The following METAP1 variants were observed in gnomAD, a reference collection of about 807,000 sequenced individuals.
The protein encoded by METAP1 is methionyl aminopeptidase 1, also known as methionine aminopeptidase 1.
A neutral mutation model predicts 53.8 loss-of-function variants in METAP1; 28 were observed. The ratio of observed to expected loss-of-function variants is 0.52; its 90% CI spans 0.39 to 0.71. METAP1 has a LOEUF of 0.71. Ranked by LOEUF, METAP1 falls within the 30% of genes least tolerant of loss-of-function variation. METAP1 has a pLI of 0.00. For missense variants in METAP1, 389 were observed against 479.8 expected, an observed-to-expected ratio of 0.81 and a Z score of 1.77; for synonymous variants, 181 against 165.7, an observed-to-expected ratio of 1.09 and a Z score of -0.71.
chr4:99,022,295 G>T, intron 1 of METAP1: 1 of 665,254 alleles, frequency 1.5e-6, no homozygotes, highest in East Asian at 3.2e-5. Flanking sequence ...GGAGATGGAA[G>T]GGGCCTCCCT....
intron 7 of METAP1, among the ~76,000 whole-genome samples, chr4:99,043,634 A>T (rs1466486227): frequency 6.6e-6 from 1 of 152,088 alleles, no homozygotes; most frequent in Admixed American, 6.5e-5. Context: ...CTCATATGTG[A>T]TTGGTAAATA....
intron 9 of METAP1, among the ~76,000 whole-genome samples, chr4:99,050,296 G>A (rs373566518): frequency 3.0e-4 from 45 of 152,172 alleles, no homozygotes; most frequent in African/African-American, 4.6e-4. Flanking sequence ...CTTGTATGTC[G>A]GAATCTTCAG....
chr4:99,053,366 C>T (rs952752079), intron 9 of METAP1, among the ~76,000 whole-genome samples: 2 of 152,220 alleles, frequency 1.3e-5, no homozygotes, highest in Non-Finnish European at 2.9e-5. Flanking sequence ...TCCCCCACCT[C>T]AGCCTCCTGA....
intron 1 of METAP1, among the ~76,000 whole-genome samples, chr4:99,021,318 G>A (rs959989699): frequency 2.6e-5 from 4 of 152,002 alleles, no homozygotes; most frequent in Non-Finnish European, 5.9e-5. Context: ...GCTCATGCAC[G>A]AGGTCTCCTG....
At chr4:99,001,138 G>T (rs1034123080) in intron 1 of METAP1, among the ~76,000 whole-genome samples, 7 of 152,166 alleles carry the variant, frequency 4.6e-5, no homozygotes, top group Admixed American at 3.9e-4. Context: ...TGCCAGTGCA[G>T]GGTGTTTCTG....
chr4:99,011,037 C>G (rs549612238), intron 1 of METAP1, among the ~76,000 whole-genome samples: 3 of 86,116 alleles, frequency 3.5e-5, no homozygotes, highest in East Asian at 5.8e-4. Context: ...TTTATTAGCT[C>G]TAACAGTTTT....
chr4:99,026,614 T>C, intron 1 of METAP1: 1 of 985,418 alleles, frequency 1.0e-6, no homozygotes, highest in Non-Finnish European at 1.2e-6. Context: ...AGGGAAAGAT[T>C]GCCCTGTTAA....
intron 10 of METAP1, among the ~76,000 whole-genome samples, chr4:99,059,679 C>T (rs1374308267): frequency 6.6e-6 from 1 of 151,824 alleles, no homozygotes; most frequent in Non-Finnish European, 1.5e-5. Flanking sequence ...TCCACCTCTG[C>T]TTCACATTCT....
Position 99,045,800 on chromosome 4 carries a change from GTTAAA to G in METAP1, c.787+495_787+499del, listed in dbSNP as rs568255241. On this transcript the variant is annotated intron_variant, in intron 8 of 10. Coordinates refer to ENST00000296411, the MANE Select transcript of METAP1 (RefSeq NM_015143.3). Reference sequence around the variant, plus strand: ...TTAATGCACACACGTATGTGTATGTGTTAAATTAAGTTAAATGGAATCATAATATT... The same window carrying G: ...TTAATGCACACACGTATGTGTATGTGTTAAGTTAAATGGAATCATAATATT... Among the ~76,000 whole-genome samples the G allele has an allele frequency of 4.3e-4, 65 of 152,266 alleles. No homozygotes were observed. The East Asian group carries it at 8.5e-3, about 20-fold the overall frequency.
At chr4:99,057,307 C>T (rs965029826) in intron 9 of METAP1, among the ~76,000 whole-genome samples, 3 of 152,160 alleles carry the variant, frequency 2.0e-5, no homozygotes, top group Non-Finnish European at 4.4e-5. Flanking sequence ...ATGCTTACCC[C>T]CCAAAGCGGT....
At chr4:99,008,290 T>A (rs1340361441) in intron 1 of METAP1, among the ~76,000 whole-genome samples, 1 of 152,182 alleles carries the variant, frequency 6.6e-6, no homozygotes, top group Non-Finnish European at 1.5e-5. Context: ...GCAAGTAGAT[T>A]AGCAGCTTTA....
At chr4:99,012,816 A>C (rs1037727893) in intron 1 of METAP1, among the ~76,000 whole-genome samples, 3 of 152,176 alleles carry the variant, frequency 2.0e-5, no homozygotes, top group Non-Finnish European at 4.4e-5. Context: ...GACAGAAGTT[A>C]CAGGCAGACA....
In METAP1 at chr4:99,031,810, A is replaced by G. The variant is rs547495472; in HGVS notation, c.167-2420A>G. On this transcript the variant is annotated intron_variant, in intron 2 of 10. Transcript: ENST00000296411. ...CAGCCTGCATACAACTTTTTAAAGA[A>G]TAAAGCCTGACTGTGATGAACTTTG... 30 of 379,342 alleles carry G rather than the reference A, an allele frequency of 7.9e-5. No individual in the cohort carries two copies. In the East Asian group the frequency reaches 1.9e-3, roughly 24 times the overall value. 23.5% of individuals were successfully genotyped at this position (379,342 alleles called of 1,614,324 possible).
chr4:99,050,621 G>C (rs573335876), intron 9 of METAP1, among the ~76,000 whole-genome samples: 2 of 152,326 alleles, frequency 1.3e-5, no homozygotes, highest in Admixed American at 1.3e-4. Flanking sequence ...CATGAGGGGA[G>C]CAGCAAGCAA....
intron 9 of METAP1, among the ~76,000 whole-genome samples, chr4:99,056,774 T>C (rs1727159933): frequency 6.6e-6 from 1 of 152,180 alleles, no homozygotes; most frequent in Non-Finnish European, 1.5e-5. Flanking sequence ...TTTCACCATG[T>C]TGGCCAGGAT....
intron 10 of METAP1, among the ~76,000 whole-genome samples, chr4:99,059,813 A>G (rs1727412926): frequency 6.6e-6 from 1 of 151,188 alleles, no homozygotes; most frequent in South Asian, 2.1e-4. Context: ...TCTGGTTTCA[A>G]CTCCTGTCCA....
chr4:99,057,315 G>A (rs1727226580), intron 9 of METAP1, among the ~76,000 whole-genome samples: 1 of 152,178 alleles, frequency 6.6e-6, no homozygotes, highest in Non-Finnish European at 1.5e-5. Flanking sequence ...CCCCCAAAGC[G>A]GTGGGAAATT....
chr4:99,051,372 A>G (rs900387142), intron 9 of METAP1, among the ~76,000 whole-genome samples: 2 of 152,188 alleles, frequency 1.3e-5, no homozygotes, highest in Non-Finnish European at 2.9e-5. Flanking sequence ...AAAGAGGAAC[A>G]AAGACCCAGG....
intron 1 of METAP1, among the ~76,000 whole-genome samples, chr4:99,000,796 C>T (rs1162391633): frequency 1.3e-5 from 2 of 151,752 alleles, no homozygotes; most frequent in African/African-American, 4.8e-5. Flanking sequence ...CTTCACCTCC[C>T]AGGCTCAAGT....
Sources: allele counts gnomAD v4.1 joint callset (sites outside exome capture counted in the v4.1 genomes callset), GRCh38; gene constraint gnomAD v4.1.1; transcripts MANE v1.5; gene names NCBI Gene and HGNC (gene_info 2026-07-23, HGNC 2026-07-21).